The following MACROD2 variants were observed in gnomAD, a reference collection of about 807,000 sequenced individuals.
MACROD2 encodes the protein ADP-ribose glycohydrolase MACROD2.
In MACROD2, 36 loss-of-function variants were observed where a neutral mutation model predicts 70.4. The ratio of observed to expected loss-of-function variants is 0.51; its 90% confidence interval spans 0.39 to 0.68. MACROD2 has a LOEUF of 0.68. MACROD2 is among the 30% of genes least tolerant of loss of function. MACROD2 has a pLI of 0.00. For synonymous variants in MACROD2, 172 were observed against 178.8 expected (o/e 0.96, Z 0.30); for missense variants, 496 against 538.4 (o/e 0.92, Z 0.78).
intron 3 of MACROD2, among the ~76,000 whole-genome samples, chr20:14,261,368 T>C (rs896317373): frequency 6.6e-6 from 1 of 152,212 alleles, no homozygotes; most frequent in Non-Finnish European, 1.5e-5. Context: ...CAAAAATCTA[T>C]CTTTTTTCTA....
rs779555678 is a variant in MACROD2 at position 14,609,251 on chromosome 20, CAGAG to C, written c.302-75588_302-75585del. Among the ~76,000 whole-genome samples, 38 of 141,922 alleles carry C rather than the reference CAGAG, an allele frequency of 2.7e-4. 1 individual carries two copies. The highest frequency in any genetic ancestry group is 5.7e-4 in the Non-Finnish European group (35 of 61,878). 93.1% of individuals were successfully genotyped at this position (141,922 alleles called of 152,430 possible). A position where few individuals can be genotyped will look rare whatever the true frequency, so the allele number is the denominator to read the frequency against. ...ACAGAGAGCGTCATAACATTAGAAACAGAGAGAAGTTAGAGGATTCAAAATACAA... is the reference window on the plus strand; with the variant it reads ...ACAGAGAGCGTCATAACATTAGAAACAGAAGTTAGAGGATTCAAAATACAA... On this transcript the variant is annotated intron_variant, in intron 4 of 17. Coordinates refer to ENST00000684519, the MANE Select transcript of MACROD2 (RefSeq NM_001351661.2).
chr20:14,874,062 T>C (rs747611647), intron 5 of MACROD2, among the ~76,000 whole-genome samples: 1 of 152,084 alleles, frequency 6.6e-6, no homozygotes, highest in Non-Finnish European at 1.5e-5. Context: ...CAGATAATAA[T>C]ATTGCTTTAA....
At chr20:15,558,576 C>T (rs960161654) in intron 8 of MACROD2, among the ~76,000 whole-genome samples, 7 of 152,164 alleles carry the variant, frequency 4.6e-5, no homozygotes, top group Middle Eastern at 3.2e-3. Context: ...TACATTGAAA[C>T]GTGGTTTCAT....
At chr20:15,313,753 T>C (rs1297619272) in intron 6 of MACROD2, among the ~76,000 whole-genome samples, 2 of 152,202 alleles carry the variant, frequency 1.3e-5, no homozygotes, top group African/African-American at 4.8e-5. Context: ...TTGAAAGAGA[T>C]AAATGAATGT....
chr20:15,001,412 T>C (rs985035217), intron 5 of MACROD2, among the ~76,000 whole-genome samples: 1 of 152,218 alleles, frequency 6.6e-6, no homozygotes, highest in Non-Finnish European at 1.5e-5. Context: ...TTGTTTACCT[T>C]TGGCTAAGAG....
chr20:15,749,637 A>G (rs1162414270), intron 8 of MACROD2, among the ~76,000 whole-genome samples: 1 of 152,102 alleles, frequency 6.6e-6, no homozygotes, highest in African/African-American at 2.4e-5. Flanking sequence ...TATTGAGAAT[A>G]TAAACTTTCC....
chr20:15,867,921 G>A (rs2064516760), intron 9 of MACROD2, among the ~76,000 whole-genome samples: 1 of 152,132 alleles, frequency 6.6e-6, no homozygotes, highest in African/African-American at 2.4e-5. Flanking sequence ...CCCTCCTGGG[G>A]ACATTCTGAG....
chr20:15,867,428 C>G (rs2109538), intron 9 of MACROD2, among the ~76,000 whole-genome samples: 102,570 of 151,970 alleles, frequency 0.67, 37,012 homozygotes, highest in Non-Finnish European at 0.8. Context: ...TTTCCTTCCA[C>G]AAGTATTATT....
chr20:14,290,158 C>T (rs2082374596), intron 3 of MACROD2, among the ~76,000 whole-genome samples: 1 of 152,078 alleles, frequency 6.6e-6, no homozygotes, highest in African/African-American at 2.4e-5. Context: ...AAAGAGAAGG[C>T]AATGATTTGG....
chr20:15,608,208 C>T (rs1184027412), intron 8 of MACROD2, among the ~76,000 whole-genome samples: 2 of 152,186 alleles, frequency 1.3e-5, no homozygotes, highest in Non-Finnish European at 2.9e-5. Flanking sequence ...GTATCTTCTC[C>T]CTGTTTTACC....
At position 14,208,790 on chromosome 20, in the gene MACROD2, C is replaced by T. The variant is rs143200126; in HGVS notation, c.271+123062C>T. ...AGCTGGTCATATGAGGTGGTATGAGCCTCAAAAAGGGCTGAATACTTGAAT... is the reference window on the plus strand; with the variant it reads ...AGCTGGTCATATGAGGTGGTATGAGTCTCAAAAAGGGCTGAATACTTGAAT... On this transcript the variant is annotated intron_variant, in intron 3 of 17. Transcript: ENST00000684519. 3.0e-3 allele frequency among the ~76,000 whole-genome samples: 454 copies of T among 152,172 alleles called. 2 individuals carry two copies. The highest frequency in any genetic ancestry group is 0.01 in the African/African-American group (428 of 41,500).
intron 7 of MACROD2, among the ~76,000 whole-genome samples, chr20:15,492,292 A>G (rs1289284363): frequency 6.6e-6 from 1 of 151,946 alleles, no homozygotes; most frequent in Non-Finnish European, 1.5e-5. Context: ...GAGGTTGACA[A>G]AAGCTGTTTT....
chr20:15,617,136 C>A (rs1314612541), intron 8 of MACROD2, among the ~76,000 whole-genome samples: 7 of 152,032 alleles, frequency 4.6e-5, no homozygotes, highest in Non-Finnish European at 8.8e-5. Context: ...TTTCAAGTTA[C>A]CAGGCTTTGT....
At chr20:15,296,417 T>C (rs549944863) in intron 6 of MACROD2, among the ~76,000 whole-genome samples, 1 of 152,258 alleles carries the variant, frequency 6.6e-6, no homozygotes, top group Admixed American at 6.5e-5. Context: ...ACTACAAGGG[T>C]ATTACACAGA....
intron 4 of MACROD2, among the ~76,000 whole-genome samples, chr20:14,680,544 A>G (rs978185370): frequency 6.6e-6 from 1 of 152,218 alleles, no homozygotes; most frequent in Non-Finnish European, 1.5e-5. Context: ...CTGCTAGAAC[A>G]AACTTCTAAG....
intron 5 of MACROD2, among the ~76,000 whole-genome samples, chr20:14,959,451 T>A (rs1033590525): frequency 1.3e-5 from 2 of 152,016 alleles, no homozygotes; most frequent in African/African-American, 4.8e-5. Flanking sequence ...CTTCCCACCA[T>A]TCCTGCCAGC....
At chr20:15,650,109 T>C (rs1418963755) in intron 8 of MACROD2, among the ~76,000 whole-genome samples, 3 of 152,298 alleles carry the variant, frequency 2.0e-5, no homozygotes, top group East Asian at 3.9e-4. Flanking sequence ...AGATAAAGGG[T>C]CATGATTTGG....
intron 8 of MACROD2, among the ~76,000 whole-genome samples, chr20:15,832,970 C>T (rs1158969578): frequency 6.6e-6 from 1 of 152,140 alleles, no homozygotes; most frequent in Non-Finnish European, 1.5e-5. Context: ...TTGTTTTAAC[C>T]AAATATGATA....
chr20:15,835,065 A>G (rs964717680), intron 8 of MACROD2, among the ~76,000 whole-genome samples: 7 of 152,170 alleles, frequency 4.6e-5, no homozygotes, highest in South Asian at 2.1e-4. Flanking sequence ...GACAATCTCA[A>G]TTGGAGAGGA....
Sources: gnomAD v4.1 joint callset for allele counts (sites outside exome capture counted in the v4.1 genomes callset) on GRCh38, gnomAD v4.1.1 for gene constraint, MANE v1.5 for transcripts, NCBI Gene and HGNC (gene_info 2026-07-23, HGNC 2026-07-21) for gene names.